Variants in ZNF555 observed in about 807,000 individuals in gnomAD.
ZNF555 encodes zinc finger protein 555.
ZNF555 carries 10 observed loss-of-function variants against 14.0 expected under a neutral mutation model. That is an observed-to-expected ratio of 0.72 (90% confidence interval 0.44 to 1.21). The LOEUF (loss-of-function observed/expected upper bound fraction) is 1.21, where lower values mean the gene tolerates loss of function less well. Ranked by LOEUF, ZNF555 falls within the 50% of genes most tolerant of loss-of-function variation. The probability of loss-of-function intolerance (pLI) is 0.00; values close to 1 mark genes in which losing one functional copy is unlikely to be tolerated. For synonymous variants in ZNF555, 277 were observed against 262.4 expected (o/e 1.06, Z -0.54); for missense variants, 747 against 762.0 (o/e 0.98, Z 0.23).
rs926537296 is a variant in ZNF555, at chr19:2,854,575, G to C, written c.*623G>C. 1 of 153,194 alleles carries C rather than the reference G, an allele frequency of 6.5e-6. No homozygotes were observed. The highest frequency in any genetic ancestry group is 1.5e-5 in the Non-Finnish European group (1 of 68,772). The allele number at this position is 153,194 out of a possible 1,614,324, so 9.5% of individuals were successfully genotyped here. ...CCAAATTTACCAATAGCAATAACTT[G>C]AATGAAATTTAGAATGAAGAAGAAG... On this transcript the variant is annotated 3_prime_UTR_variant, in exon 4 of 4. Transcript: ENST00000334241.
chr19:2,852,717 CATGTA>C lies in ZNF555; in HGVS notation c.654_658del (p.His218GlnfsTer6). 6.2e-7 allele frequency: 1 copy of C among 1,614,162 alleles called. No individual in the cohort carries two copies. Among genetic ancestry groups the C allele is most frequent in the Non-Finnish European group, 8.5e-7 (1 of 1,180,020 alleles). Reference sequence around the variant, plus strand: ...TCCTCGTACTTCCTCCCTCAATCGGCATGTAAGGATTCACACTGCTGAGAAAACCT... The same window carrying C: ...TCCTCGTACTTCCTCCCTCAATCGGCAGGATTCACACTGCTGAGAAAACCT... On this transcript the variant is annotated frameshift_variant, in exon 4 of 4. Coordinates refer to ENST00000334241, the MANE Select transcript of ZNF555 (RefSeq NM_152791.5). LOFTEE classifies it low-confidence loss of function (END_TRUNC).
rs1019978557 is a variant in ZNF555 at position 2,856,678 on chromosome 19, T to C, written c.*2726T>C. On this transcript the variant is annotated 3_prime_UTR_variant, in exon 4 of 4. Transcript: ENST00000334241. Reference sequence around the variant, plus strand: ...AAGGGCTGTGGCTTGTATCAGAGGGTGTTTAAAAGGATTTACTATCAGATT... The same window carrying C: ...AAGGGCTGTGGCTTGTATCAGAGGGCGTTTAAAAGGATTTACTATCAGATT... The C allele has an allele frequency of 6.6e-6, 1 of 152,078 alleles. No individual in the cohort carries two copies. The highest frequency in any genetic ancestry group is 6.5e-5 in the Admixed American group (1 of 15,270). 9.4% of individuals were successfully genotyped at this position (152,078 alleles called of 1,614,324 possible). A position where few individuals can be genotyped will look rare whatever the true frequency, so the allele number is the denominator to read the frequency against.
At position 2,853,028 on chromosome 19, in the gene ZNF555, C is replaced by G. The variant is rs528367898; in HGVS notation, c.963C>G (p.Phe321Leu). The change falls in exon 4 of 4, where the codon TTC becomes TTG. Residue 321 changes from phenylalanine (F) to leucine (L), a missense_variant. By Grantham distance (22) the Phe-to-Leu change is conservative. Transcript: ENST00000334241. ...AATGTAAAGAATGTGGGGAGGCCTT[C>G]AGTTATTCTTCGGCTTTTCGAAGAC... ...PHKCKECGEA[F>L]SYSSAFRRHM... The G allele has an allele frequency of 6.2e-7, 1 of 1,614,174 alleles. No individual in the cohort carries two copies. The highest frequency in any genetic ancestry group is 1.1e-5 in the South Asian group (1 of 91,076).
intron 1 of ZNF555, among the ~76,000 whole-genome samples, chr19:2,845,282 G>T (rs953296521): frequency 1.3e-5 from 2 of 152,206 alleles, no homozygotes; most frequent in African/African-American, 4.8e-5. Flanking sequence ...CCATGTTGCT[G>T]CAAAGGACAT....
chr19:2,843,042 C>CAA (rs776901173), intron 1 of ZNF555, among the ~76,000 whole-genome samples: 15 of 86,142 alleles, frequency 1.7e-4, no homozygotes, highest in Non-Finnish European at 2.7e-4. Context: ...GACTCCGTCT[C>CAA]AAAAAAAAAA....
intron 1 of ZNF555, among the ~76,000 whole-genome samples, chr19:2,848,945 A>C (rs1307150978): frequency 6.6e-6 from 1 of 152,210 alleles, no homozygotes; most frequent in Non-Finnish European, 1.5e-5. Flanking sequence ...CATTGCCAGA[A>C]AGCCGTTCTA....
chr19:2,846,258 C>T (rs1010924711), intron 1 of ZNF555, among the ~76,000 whole-genome samples: 3 of 152,228 alleles, frequency 2.0e-5, no homozygotes, highest in Admixed American at 6.5e-5. Context: ...CCACTTGCTG[C>T]TGTCTCAGGG....
intron 1 of ZNF555, among the ~76,000 whole-genome samples, chr19:2,842,949 G>T (rs923156939): frequency 5.3e-5 from 8 of 152,058 alleles, no homozygotes; most frequent in Non-Finnish European, 7.4e-5. Flanking sequence ...AGGCTGAGGC[G>T]GGAAAATCAC....
intron 1 of ZNF555, among the ~76,000 whole-genome samples, chr19:2,847,541 TAAA>T (rs754309751): frequency 6.6e-6 from 1 of 152,134 alleles, no homozygotes; most frequent in African/African-American, 2.4e-5. Context: ...TTACCACAGT[TAAA>T]AAATTGGAGA....
rs895247116 is a variant in ZNF555 at position 2,858,511 on chromosome 19, C to T, written c.*4559C>T. ...CCTGATCCTGTCTTCAGACAAGGGGCATCCGCATCTTGTTTTCTAGGGCCT... is the reference window on the plus strand; with the variant it reads ...CCTGATCCTGTCTTCAGACAAGGGGTATCCGCATCTTGTTTTCTAGGGCCT... On this transcript the variant is annotated 3_prime_UTR_variant, in exon 4 of 4. Transcript: ENST00000334241. 5 of 152,256 alleles carry T rather than the reference C, an allele frequency of 3.3e-5. No individual in the cohort carries two copies. Among genetic ancestry groups the T allele is most frequent in the Non-Finnish European group, 5.9e-5 (4 of 68,068 alleles). The allele number at this position is 152,256 out of a possible 1,614,324, so 9.4% of individuals were successfully genotyped here.
At chr19:2,850,758 C>T in intron 2 of ZNF555, 45 bp downstream of exon 2, 1 of 1,607,718 alleles carries the variant, frequency 6.2e-7, no homozygotes, top group Non-Finnish European at 8.5e-7. Context: ...ATTGAGAGAA[C>T]AAGTATTTCT....
intron 1 of ZNF555, among the ~76,000 whole-genome samples, chr19:2,848,888 G>A (rs2087604732): frequency 6.6e-6 from 1 of 152,172 alleles, no homozygotes; most frequent in Non-Finnish European, 1.5e-5. Context: ...TTAGGGTGGG[G>A]GTGAACCTTC....
At chr19:2,849,372 T>C (rs2087608793) in intron 1 of ZNF555, among the ~76,000 whole-genome samples, 1 of 152,182 alleles carries the variant, frequency 6.6e-6, no homozygotes, top group South Asian at 2.1e-4. Flanking sequence ...AGGCACTATT[T>C]TGTCTATGTC....
chr19:2,855,841 T>C lies in ZNF555; in HGVS notation c.*1889T>C, dbSNP rs886313650. The C allele has an allele frequency of 6.6e-6, 1 of 152,142 alleles. No individual in the cohort carries two copies. The highest frequency in any genetic ancestry group is 2.4e-5 in the African/African-American group (1 of 41,424). The allele number at this position is 152,142 out of a possible 1,614,324, so 9.4% of individuals were successfully genotyped here. Reference sequence around the variant, plus strand: ...TAATTTTCACATGGCATTCTCCCTGTGTGTGTGTCTCTCCATGTGACAATA... The same window carrying C: ...TAATTTTCACATGGCATTCTCCCTGCGTGTGTGTCTCTCCATGTGACAATA... On this transcript the variant is annotated 3_prime_UTR_variant, in exon 4 of 4. Transcript: ENST00000334241.
chr19:2,849,751 G>A (rs541840672), intron 1 of ZNF555, among the ~76,000 whole-genome samples: 1 of 151,980 alleles, frequency 6.6e-6, no homozygotes, highest in South Asian at 2.1e-4. Context: ...GCCTCCCAAA[G>A]TGCTGGGGTT....
Position 2,853,448 on chromosome 19 carries a change from C to T in ZNF555, c.1383C>T (p.Phe461=). Reference sequence around the variant, plus strand: ...AATGTAAGCAGTGTGGGAAAGCCTTCAGCTTGTCTGCTTGCTTTCGAGAAC... The same window carrying T: ...AATGTAAGCAGTGTGGGAAAGCCTTTAGCTTGTCTGCTTGCTTTCGAGAAC... ...PYECKQCGKA[F]SLSACFREHV... The change falls in exon 4 of 4, where the codon TTC becomes TTT. Residue 461 remains phenylalanine, a synonymous_variant. Transcript: ENST00000334241. The T allele has an allele frequency of 1.2e-6, 2 of 1,614,194 alleles. No homozygotes were observed. The highest frequency in any genetic ancestry group is 1.7e-6 in the Non-Finnish European group (2 of 1,180,030).
In ZNF555 at chr19:2,850,604, G is replaced by A; in HGVS notation, c.21G>A (p.Glu7=). 2 of 1,613,892 alleles carry A rather than the reference G, an allele frequency of 1.2e-6. No homozygotes were observed. The highest frequency in any genetic ancestry group is 1.7e-6 in the Non-Finnish European group (2 of 1,179,822). ...TGTTTTAGGACTCAGTGGTCTTTGA[G>A]GATGTGGCTGTGGACTTCACCCTGG... The part of the protein sequence containing the change: MDSVVF[E]DVAVDFTLEE... The change falls in exon 2 of 4, where the codon GAG becomes GAA. Residue 7 remains glutamate, a synonymous_variant. Transcript: ENST00000334241.
chr19:2,849,482 A>AG (rs2087609802), intron 1 of ZNF555, among the ~76,000 whole-genome samples: 1 of 121,218 alleles, frequency 8.2e-6, no homozygotes, highest in Non-Finnish European at 1.8e-5. Flanking sequence ...TAGCAATAAT[A>AG]CTTTTTTTTT....
intron 1 of ZNF555, among the ~76,000 whole-genome samples, chr19:2,842,723 C>T (rs766992356): frequency 6.6e-6 from 1 of 152,114 alleles, no homozygotes; most frequent in African/African-American, 2.4e-5. Context: ...GTGAAACGTA[C>T]ATTTAATTAG....
Sources: gnomAD v4.1 joint callset for allele counts (sites outside exome capture counted in the v4.1 genomes callset) on GRCh38, gnomAD v4.1.1 for gene constraint, MANE v1.5 for transcripts, NCBI Gene and HGNC (gene_info 2026-07-23, HGNC 2026-07-21) for gene names.